PPM1D: variants seen among roughly 807,000 people sequenced by gnomAD.
The protein encoded by PPM1D is protein phosphatase, Mg2+/Mn2+ dependent 1D, also known as protein phosphatase 1D.
Under a neutral mutation model 58.3 loss-of-function variants are expected in PPM1D, and 52 were observed. The ratio of observed to expected loss-of-function variants is 0.89; its 90% CI spans 0.71 to 1.12. The LOEUF is 1.12. Ranked by LOEUF, PPM1D falls within the 50% of genes most tolerant of loss-of-function variation. PPM1D has a pLI of 0.00. For synonymous variants in PPM1D, 278 were observed against 285.1 expected (o/e 0.98, Z 0.25); for missense variants, 564 against 777.2 (o/e 0.73, Z 3.26).
rs1555645340 is a variant in PPM1D at position 60,619,983 on chromosome 17, G to GT, written c.473-3535dup. ...ATTTGCCCAGTTTTTTTTTGTTTTTGTTTGTTTTGTTTTGTTTTGTTTTGT... is the reference window on the plus strand; with the variant it reads ...ATTTGCCCAGTTTTTTTTTGTTTTTGTTTTGTTTTGTTTTGTTTTGTTTTGT... On this transcript the variant is annotated intron_variant, in intron 1 of 5. Coordinates refer to ENST00000305921, the MANE Select transcript of PPM1D (RefSeq NM_003620.4). 1.4e-3 allele frequency among the ~76,000 whole-genome samples: 216 copies of GT among 149,540 alleles called. 1 individual carries two copies. Among genetic ancestry groups the GT allele is most frequent in the African/African-American group, 5.1e-3 (203 of 40,132 alleles).
chr17:60,633,270 G>A (rs2030963331), intron 2 of PPM1D, among the ~76,000 whole-genome samples: 1 of 152,156 alleles, frequency 6.6e-6, no homozygotes, highest in Admixed American at 6.5e-5. Flanking sequence ...GGGCAACAGA[G>A]TGAGACTCCA....
chr17:60,641,835 G>A (rs779606480), intron 3 of PPM1D, among the ~76,000 whole-genome samples: 3 of 152,196 alleles, frequency 2.0e-5, no homozygotes, highest in Non-Finnish European at 4.4e-5. Context: ...AAATTTGATA[G>A]GTGTAAGGAC....
At chr17:60,661,958 T>G (rs1335900216) in intron 5 of PPM1D, among the ~76,000 whole-genome samples, 1 of 152,170 alleles carries the variant, frequency 6.6e-6, no homozygotes, top group African/African-American at 2.4e-5. Context: ...ACACTGGTTT[T>G]CATTACTAGA....
intron 1 of PPM1D, among the ~76,000 whole-genome samples, chr17:60,622,290 A>G (rs941353157): frequency 1.3e-5 from 2 of 151,652 alleles, no homozygotes. Flanking sequence ...TTTTCTTAAC[A>G]TAATTCTATT....
chr17:60,626,400 G>GT (rs1230590157), intron 2 of PPM1D, among the ~76,000 whole-genome samples: 3,295 of 141,344 alleles, frequency 0.023, 56 homozygotes, highest in African/African-American at 0.055. Context: ...GGTTTTTTTT[G>GT]TTTTTTTTTT....
At chr17:60,658,978 A>T (rs1198091107) in intron 5 of PPM1D, among the ~76,000 whole-genome samples, 71 of 151,726 alleles carry the variant, frequency 4.7e-4, no homozygotes, top group Admixed American at 4.6e-4. Context: ...TAATAATAAT[A>T]ATTCTGATAA....
At chr17:60,640,069 A>C in intron 3 of PPM1D, among the ~76,000 whole-genome samples, 1 of 152,296 alleles carries the variant, frequency 6.6e-6, no homozygotes, top group Middle Eastern at 3.4e-3. Flanking sequence ...CCATAATTCT[A>C]ACACTTTGGG....
intron 4 of PPM1D, among the ~76,000 whole-genome samples, chr17:60,651,023 G>C (rs182649689): frequency 9.8e-4 from 150 of 152,294 alleles, no homozygotes; most frequent in African/African-American, 3.5e-3. Flanking sequence ...CAAGAGTTGC[G>C]TAAATTGTGG....
chr17:60,654,317 C>T (rs1477263874), intron 4 of PPM1D, among the ~76,000 whole-genome samples: 1 of 140,636 alleles, frequency 7.1e-6, no homozygotes, highest in Admixed American at 7.1e-5. Flanking sequence ...GTCACCCAGG[C>T]TGGGAGCACA....
rs749840560 is a variant in PPM1D at position 60,663,382 on chromosome 17, C to G, written c.1648C>G (p.His550Asp). 3.1e-6 allele frequency: 5 copies of G among 1,614,046 alleles called. No individual in the cohort carries two copies. The highest frequency in any genetic ancestry group is 4.2e-6 in the Non-Finnish European group (5 of 1,180,040). ...CAATTCTGGCCCCCTGATGAAGAAG[C>G]ATAGACGAAATGGCTTAAGTCGAAG... Reference protein sequence around the residue: ...ESNSGPLMKKHRRNGLSRSSG... With the variant: ...ESNSGPLMKKDRRNGLSRSSG... Residue 550 changes from histidine (H) to aspartate (D), a missense_variant, in exon 6 of 6, where the codon CAT becomes GAT. This residue lies in a region of PPM1D where 261 missense variants were observed against 270.1 expected (regional missense o/e 0.97). Coordinates refer to ENST00000305921, the MANE Select transcript of PPM1D (RefSeq NM_003620.4).
rs1358090051 is a variant in PPM1D, at chr17:60,603,741, G to A, written c.472+2855G>A. On this transcript the variant is annotated intron_variant, in intron 1 of 5. Transcript: ENST00000305921. ...ATTGGGCCACTGCACTCCAGCCTGG[G>A]CAACAGAGTGAGACTCCGTCTCAAA... Among the ~76,000 whole-genome samples the A allele has an allele frequency of 2.1e-5, 3 of 144,006 alleles. No homozygotes were observed. In the Admixed American group the frequency reaches 2.2e-4, roughly 10 times the overall value. 94.5% of individuals were successfully genotyped at this position (144,006 alleles called of 152,430 possible).
intron 1 of PPM1D, among the ~76,000 whole-genome samples, chr17:60,602,425 A>ATTT (rs34669060): frequency 1.8e-4 from 26 of 146,522 alleles, no homozygotes; most frequent in African/African-American, 6.5e-4. Context: ...TTAGTATTAA[A>ATTT]TTTTTTTTTT....
chr17:60,633,802 G>A (rs1020637956), intron 2 of PPM1D, 51 bp from the exon 3 acceptor site: 1 of 1,476,454 alleles, frequency 6.8e-7, no homozygotes, highest in Non-Finnish European at 9.3e-7. Context: ...AGCTATCTTA[G>A]TTGTTGTATT....
At chr17:60,637,801 GAGTT>G (rs2031054363) in intron 3 of PPM1D, among the ~76,000 whole-genome samples, 1 of 152,278 alleles carries the variant, frequency 6.6e-6, no homozygotes, top group African/African-American at 2.4e-5. Flanking sequence ...AAATCTAAAA[GAGTT>G]AGGGGATGTG....
chr17:60,654,625 G>C (rs915504198), intron 4 of PPM1D, among the ~76,000 whole-genome samples: 1 of 151,698 alleles, frequency 6.6e-6, no homozygotes, highest in Non-Finnish European at 1.5e-5. Flanking sequence ...ACTTTGGGAG[G>C]CCGAGGCAGG....
chr17:60,626,450 A>G (rs1044148686), intron 2 of PPM1D, among the ~76,000 whole-genome samples: 2 of 149,870 alleles, frequency 1.3e-5, no homozygotes, highest in African/African-American at 4.9e-5. Flanking sequence ...GCTGGAGTGC[A>G]GTGGCGCGAT....
intron 1 of PPM1D, among the ~76,000 whole-genome samples, chr17:60,605,973 T>C (rs908790754): frequency 2.0e-5 from 3 of 152,190 alleles, no homozygotes; most frequent in Non-Finnish European, 4.4e-5. Context: ...GCGTTAAGTG[T>C]ATTCATAATG....
chr17:60,664,317 C>T lies in PPM1D; in HGVS notation c.*765C>T, dbSNP rs2031582742. On this transcript the variant is annotated 3_prime_UTR_variant, in exon 6 of 6. Coordinates refer to ENST00000305921, the MANE Select transcript of PPM1D (RefSeq NM_003620.4). Reference sequence around the variant, plus strand: ...GCATTATTAGGTCTTAAAGTAGTTACTCCCTTCTCGTGTTTGCTTAAAATA... The same window carrying T: ...GCATTATTAGGTCTTAAAGTAGTTATTCCCTTCTCGTGTTTGCTTAAAATA... 1 of 152,622 alleles carries T rather than the reference C, an allele frequency of 6.6e-6. No individual in the cohort carries two copies. Among genetic ancestry groups the T allele is most frequent in the South Asian group, 2.1e-4 (1 of 4,838 alleles). 9.5% of individuals were successfully genotyped at this position (152,622 alleles called of 1,614,324 possible). A position where few individuals can be genotyped will look rare whatever the true frequency, so the allele number is the denominator to read the frequency against.
chr17:60,628,010 G>A (rs1217130770), intron 2 of PPM1D, among the ~76,000 whole-genome samples: 1 of 151,622 alleles, frequency 6.6e-6, no homozygotes, highest in East Asian at 1.9e-4. Context: ...GCTGGGATTA[G>A]AGGCATGTAC....
Sources: allele counts gnomAD v4.1 joint callset (sites outside exome capture counted in the v4.1 genomes callset), GRCh38; gene constraint gnomAD v4.1.1; regional missense constraint gnomAD v4.1.1; transcripts MANE v1.5; gene names NCBI Gene and HGNC (gene_info 2026-07-23, HGNC 2026-07-21).